The following FKBP6 variants were observed in gnomAD, a reference collection of about 807,000 sequenced individuals.
FKBP6 encodes the protein inactive peptidyl-prolyl cis-trans isomerase FKBP6.
FKBP6 carries 29 observed loss-of-function variants against 41.7 expected under a neutral mutation model. The observed-to-expected ratio is 0.70, with a 90% CI of 0.52 to 0.95. The LOEUF (loss-of-function observed/expected upper bound fraction) is 0.95, where lower values mean the gene tolerates loss of function less well. Ranked by LOEUF, FKBP6 falls within the 40% of genes least tolerant of loss-of-function variation. FKBP6 has a pLI of 0.00. For synonymous variants in FKBP6, 130 were observed against 165.1 expected, an observed-to-expected ratio of 0.79 and a Z score of 1.63; for missense variants, 338 against 408.7, an observed-to-expected ratio of 0.83 and a Z score of 1.49.
chr7:73,353,918 A>G (rs1018153848), intron 8 of FKBP6, among the ~76,000 whole-genome samples: 8 of 152,034 alleles, frequency 5.3e-5, no homozygotes, highest in Non-Finnish European at 1.0e-4. Context: ...TATTTTTAGT[A>G]GAGACGAGGT....
At chr7:73,342,523 C>T (rs1446835642) in intron 7 of FKBP6, among the ~76,000 whole-genome samples, 1 of 152,136 alleles carries the variant, frequency 6.6e-6, no homozygotes, top group African/African-American at 2.4e-5. Flanking sequence ...GGTGAGGGGT[C>T]GTTTGGCGAG....
chr7:73,352,824 A>G (rs545786034), intron 8 of FKBP6, among the ~76,000 whole-genome samples: 2 of 152,236 alleles, frequency 1.3e-5, no homozygotes, highest in Admixed American at 1.3e-4. Flanking sequence ...CACAGCAGTC[A>G]TTGTCAGCAT....
intron 5 of FKBP6, among the ~76,000 whole-genome samples, chr7:73,334,850 G>A (rs1367999023): frequency 3.9e-5 from 6 of 152,094 alleles, no homozygotes; most frequent in African/African-American, 1.2e-4. Context: ...CTAGAGTAGA[G>A]GCATGCAAGC....
intron 8 of FKBP6, among the ~76,000 whole-genome samples, chr7:73,349,428 G>A (rs1468163987): frequency 6.7e-6 from 1 of 149,866 alleles, no homozygotes; most frequent in African/African-American, 2.5e-5. Context: ...AAAAGGCCAG[G>A]TGCAGTGGCT....
At chr7:73,357,471 G>A (rs1391614245) in intron 8 of FKBP6, among the ~76,000 whole-genome samples, 1 of 151,626 alleles carries the variant, frequency 6.6e-6, no homozygotes, top group African/African-American at 2.4e-5. Flanking sequence ...TGTTGGCTAG[G>A]CTGGTCTCGA....
chr7:73,330,248 G>A lies in FKBP6; in HGVS notation c.364G>A (p.Gly122Ser). ...FKPNYAYGTLGCPPLIPPNTT... is the reference protein window; with the variant it reads ...FKPNYAYGTLSCPPLIPPNTT... ...ACCGAACTACGCCTATGGAACGCTG[G>A]GCTGCCCTCCCTTGATCCCCCCAAA... Residue 122 changes from glycine (G) to serine (S), a missense_variant, in exon 4 of 9, where the codon GGC (glycine) becomes AGC (serine). Gly to Ser is a moderately conservative substitution (Grantham distance 56). Coordinates refer to ENST00000252037, the MANE Select transcript of FKBP6 (RefSeq NM_003602.5). 6.2e-7 allele frequency: 1 copy of A among 1,614,040 alleles called. No individual in the cohort carries two copies. Among genetic ancestry groups the A allele is most frequent in the Non-Finnish European group, 8.5e-7 (1 of 1,179,952 alleles).
At chr7:73,342,179 T>C (rs1554549701) in intron 7 of FKBP6, among the ~76,000 whole-genome samples, 1 of 152,214 alleles carries the variant, frequency 6.6e-6, no homozygotes, top group Non-Finnish European at 1.5e-5. Context: ...TTTCTCATTA[T>C]AGAAGTTTTG....
intron 8 of FKBP6, among the ~76,000 whole-genome samples, chr7:73,356,907 A>G (rs1437629260): frequency 2.0e-5 from 3 of 152,042 alleles, no homozygotes; most frequent in Non-Finnish European, 4.4e-5. Flanking sequence ...CAGCCTCCCG[A>G]GTAGCTGGGA....
Sources: allele counts gnomAD v4.1 joint callset (sites outside exome capture counted in the v4.1 genomes callset), GRCh38; gene constraint gnomAD v4.1.1; transcripts MANE v1.5; gene names NCBI Gene and HGNC (gene_info 2026-07-23, HGNC 2026-07-21).